The following MTHFD2L variants were observed in gnomAD, a reference collection of about 807,000 sequenced individuals.
The protein encoded by MTHFD2L is bifunctional methylenetetrahydrofolate dehydrogenase/cyclohydrolase 2, mitochondrial.
A neutral mutation model predicts 34.9 loss-of-function variants in MTHFD2L; 29 were observed. The ratio of observed to expected loss-of-function variants is 0.83; its 90% confidence interval spans 0.62 to 1.13. The LOEUF (loss-of-function observed/expected upper bound fraction) is 1.13, where lower values mean the gene tolerates loss of function less well. Ranked by LOEUF, MTHFD2L falls within the 50% of genes most tolerant of loss-of-function variation. The probability of loss-of-function intolerance (pLI) is 0.00; values close to 1 mark genes in which losing one functional copy is unlikely to be tolerated. For synonymous variants in MTHFD2L, 167 were observed against 155.7 expected (o/e 1.07, Z -0.54); for missense variants, 481 against 446.5 (o/e 1.08, Z -0.70).
intron 6 of MTHFD2L, among the ~76,000 whole-genome samples, chr4:74,276,159 A>G (rs1746619772): frequency 6.6e-6 from 1 of 152,098 alleles, no homozygotes; most frequent in African/African-American, 2.4e-5. Flanking sequence ...AGGGTTTCAA[A>G]ACATTCTACA....
intron 1 of MTHFD2L, among the ~76,000 whole-genome samples, chr4:74,174,297 A>G (rs528410989): frequency 6.6e-6 from 1 of 152,268 alleles, no homozygotes; most frequent in East Asian, 1.9e-4. Context: ...GATAGATTAT[A>G]CTGTAGAACT....
intron 1 of MTHFD2L, among the ~76,000 whole-genome samples, chr4:74,144,314 A>T (rs528136383): frequency 6.6e-6 from 1 of 152,138 alleles, no homozygotes; most frequent in South Asian, 2.1e-4. Flanking sequence ...TTAGCTGGGC[A>T]TGGTGGCAGG....
At chr4:74,133,074 G>T (rs1037820555) in intron 1 of MTHFD2L, among the ~76,000 whole-genome samples, 1 of 152,150 alleles carries the variant, frequency 6.6e-6, no homozygotes, top group Non-Finnish European at 1.5e-5. Flanking sequence ...CTTGCAAGAC[G>T]GGTCTAGTAG....
At chr4:74,247,294 T>C (rs534754111) in intron 6 of MTHFD2L, among the ~76,000 whole-genome samples, 1 of 151,408 alleles carries the variant, frequency 6.6e-6, no homozygotes, top group Admixed American at 6.6e-5. Flanking sequence ...TGTTATTGGT[T>C]TATAAGAATG....
chr4:74,285,950 A>G (rs1748117454), intron 7 of MTHFD2L, among the ~76,000 whole-genome samples: 1 of 152,162 alleles, frequency 6.6e-6, no homozygotes, highest in African/African-American at 2.4e-5. Context: ...TGTGGAAGGT[A>G]ATGTTTGCTA....
At chr4:74,120,608 C>T (rs755418001), upstream of MTHFD2L, among the ~76,000 whole-genome samples, 13 of 152,262 alleles carry the variant, frequency 8.5e-5, no homozygotes, top group South Asian at 2.3e-3. Context: ...AGAGAAATGT[C>T]GGCTAGCCAA....
chr4:74,258,126 A>C (rs1744254604), intron 6 of MTHFD2L, among the ~76,000 whole-genome samples: 1 of 152,168 alleles, frequency 6.6e-6, no homozygotes, highest in Non-Finnish European at 1.5e-5. Context: ...TTGTTCTGTT[A>C]GTTTAAATGT....
intron 5 of MTHFD2L, among the ~76,000 whole-genome samples, chr4:74,216,541 T>C (rs1311000285): frequency 1.3e-5 from 2 of 151,794 alleles, no homozygotes; most frequent in Non-Finnish European, 2.9e-5. Flanking sequence ...TGCAGCCCTA[T>C]AGCTTTAAAT....
At chr4:74,248,235 G>T (rs1265449647) in intron 6 of MTHFD2L, among the ~76,000 whole-genome samples, 1 of 151,956 alleles carries the variant, frequency 6.6e-6, no homozygotes, top group Non-Finnish European at 1.5e-5. Flanking sequence ...AGGAATTTAT[G>T]CATTTCTTCT....
intron 3 of MTHFD2L, chr4:74,182,589 T>C (rs1429663457): frequency 1.3e-5 from 2 of 152,190 alleles, no homozygotes; most frequent in East Asian, 3.8e-4. Flanking sequence ...GGGGAAGCTT[T>C]TCCAGCCCAT....
chr4:74,299,721 G>T (rs1750056031), intron 7 of MTHFD2L, among the ~76,000 whole-genome samples: 1 of 151,968 alleles, frequency 6.6e-6, no homozygotes, highest in Non-Finnish European at 1.5e-5. Context: ...AATCTGCTTA[G>T]TGCCTAACCT....
chr4:74,144,912 G>C (rs902257254), intron 1 of MTHFD2L, among the ~76,000 whole-genome samples: 1 of 152,144 alleles, frequency 6.6e-6, no homozygotes, highest in Non-Finnish European at 1.5e-5. Context: ...TGAATTAATA[G>C]TAAGTGCTGT....
intron 7 of MTHFD2L, among the ~76,000 whole-genome samples, chr4:74,290,951 A>G (rs1304904886): frequency 7.2e-6 from 1 of 138,890 alleles, no homozygotes; most frequent in African/African-American, 2.7e-5. Context: ...TCCTAACTAG[A>G]TTGGATGCCT....
At chr4:74,232,074 T>G (rs961720599) in intron 6 of MTHFD2L, among the ~76,000 whole-genome samples, 1 of 152,196 alleles carries the variant, frequency 6.6e-6, no homozygotes, top group African/African-American at 2.4e-5. Context: ...AAATGATAAA[T>G]CAGTTGATTA....
At chr4:74,178,319 A>T (rs552863785) in intron 3 of MTHFD2L, among the ~76,000 whole-genome samples, 2 of 152,228 alleles carry the variant, frequency 1.3e-5, no homozygotes, top group Admixed American at 1.3e-4. Flanking sequence ...TACACCACAC[A>T]TATCTACAAA....
chr4:74,180,449 A>G (rs1319868374), intron 3 of MTHFD2L, among the ~76,000 whole-genome samples: 1 of 152,170 alleles, frequency 6.6e-6, no homozygotes, highest in African/African-American at 2.4e-5. Context: ...TGTATTTCAA[A>G]TTATTTTATC....
At chr4:74,180,604 G>A in intron 3 of MTHFD2L, 1 of 352,362 alleles carries the variant, frequency 2.8e-6, no homozygotes, top group Non-Finnish European at 6.3e-6. Context: ...TCTCATTTGA[G>A]CAACAAGCAA....
intron 7 of MTHFD2L, among the ~76,000 whole-genome samples, chr4:74,296,215 A>G (rs557993736): frequency 1.3e-5 from 2 of 152,290 alleles, no homozygotes; most frequent in East Asian, 1.9e-4. Context: ...CTTGATTGCC[A>G]TAACAAAGAA....
chr4:74,169,884 A>G (rs1727529159), intron 1 of MTHFD2L, among the ~76,000 whole-genome samples: 1 of 152,236 alleles, frequency 6.6e-6, no homozygotes, highest in Admixed American at 6.5e-5. Context: ...TTATAATTAC[A>G]TACAAAGTAT....
Sources: gnomAD v4.1 joint callset for allele counts (sites outside exome capture counted in the v4.1 genomes callset) on GRCh38, gnomAD v4.1.1 for gene constraint, MANE v1.5 for transcripts, NCBI Gene and HGNC (gene_info 2026-07-23, HGNC 2026-07-21) for gene names.